The following YKT6 variants were observed in gnomAD, a reference collection of about 807,000 sequenced individuals.
YKT6 encodes the protein YKT6 vesicular SNARE protein, also known as synaptobrevin homolog YKT6.
YKT6 carries 12 observed loss-of-function variants against 29.3 expected under a neutral mutation model. The ratio of observed to expected loss-of-function variants is 0.41; its 90% CI spans 0.26 to 0.66. The LOEUF is 0.66. YKT6 is among the 30% of genes least tolerant of loss of function. YKT6 has a pLI of 0.32. For synonymous variants in YKT6, 86 were observed against 94.3 expected (o/e 0.91, Z 0.51); for missense variants, 188 against 243.8 (o/e 0.77, Z 1.52).
intron 2 of YKT6, among the ~76,000 whole-genome samples, 163 bp downstream of exon 2, chr7:44,204,813 A>G (rs756579772): frequency 2.0e-5 from 3 of 152,040 alleles, no homozygotes; most frequent in Non-Finnish European, 4.4e-5. Flanking sequence ...TTCTGTGCCC[A>G]CTGTTGAAGT....
At position 44,201,007 on chromosome 7, in the gene YKT6, G is replaced by A. The variant is rs1395512445; in HGVS notation, c.-129G>A. On this transcript the variant is annotated 5_prime_UTR_variant, in exon 1 of 7. Coordinates refer to ENST00000223369, the MANE Select transcript of YKT6 (RefSeq NM_006555.4). ...TGCGAGCCAGGAGGAGGAAGCCGGC[G>A]GTGGCCCCGTCAGCAGCCGGCTGCT... 3.0e-6 allele frequency: 2 copies of A among 670,648 alleles called. No homozygotes were observed. Among genetic ancestry groups the A allele is most frequent in the Non-Finnish European group, 2.4e-6 (1 of 418,214 alleles). The allele number at this position is 670,648 out of a possible 1,614,324, so 41.5% of individuals were successfully genotyped here.
At chr7:44,209,220 T>C (rs572554818) in intron 5 of YKT6, among the ~76,000 whole-genome samples, 4 of 152,304 alleles carry the variant, frequency 2.6e-5, no homozygotes, top group African/African-American at 7.2e-5. Context: ...CTTTAGTGTG[T>C]ACATCAGCGT....
At chr7:44,201,295 G>C in intron 1 of YKT6, 56 bp downstream of exon 1, 1 of 1,535,132 alleles carries the variant, frequency 6.5e-7, no homozygotes, top group Non-Finnish European at 8.9e-7. Context: ...CTGGGGTGGG[G>C]GTCCGAGTCG....
At chr7:44,210,271 C>G (rs913374838) in intron 5 of YKT6, among the ~76,000 whole-genome samples, 1 of 152,174 alleles carries the variant, frequency 6.6e-6, no homozygotes, top group Non-Finnish European at 1.5e-5. Context: ...TAACAGATAG[C>G]TCTGTGGGCC....
chr7:44,201,019 AGCAGCCG>A lies in YKT6; in HGVS notation c.-114_-108del. On this transcript the variant is annotated 5_prime_UTR_variant, in exon 1 of 7. Coordinates refer to ENST00000223369, the MANE Select transcript of YKT6 (RefSeq NM_006555.4). ...GGAGGAAGCCGGCGGTGGCCCCGTC[AGCAGCCG>A]GCTGCTGAGAGGCCGGTAGGCGGCG... The A allele has an allele frequency of 2.8e-6, 2 of 711,136 alleles. No individual in the cohort carries two copies. Among genetic ancestry groups the A allele is most frequent in the Non-Finnish European group, 4.3e-6 (2 of 468,998 alleles). 44.1% of individuals were successfully genotyped at this position (711,136 alleles called of 1,614,324 possible). A position where few individuals can be genotyped will look rare whatever the true frequency, so the allele number is the denominator to read the frequency against.
chr7:44,208,165 G>GC lies in YKT6; in HGVS notation c.427dup (p.Gln143ProfsTer6). Reference sequence around the variant, plus strand: ...GAGAAGCTGATCCCATGACTAAAGTGCAGGCCGAACTAGATGAGACCAAAA... The same window carrying GC: ...GAGAAGCTGATCCCATGACTAAAGTGCCAGGCCGAACTAGATGAGACCAAAA... On this transcript the variant is annotated frameshift_variant, in exon 5 of 7. Coordinates refer to ENST00000223369, the MANE Select transcript of YKT6 (RefSeq NM_006555.4). LOFTEE classifies it high-confidence loss of function. 6.2e-7 allele frequency: 1 copy of GC among 1,614,088 alleles called. No homozygotes were observed. Among genetic ancestry groups the GC allele is most frequent in the Non-Finnish European group, 8.5e-7 (1 of 1,180,010 alleles).
intron 4 of YKT6, among the ~76,000 whole-genome samples, chr7:44,207,833 C>T (rs111902563): frequency 0.011 from 1,711 of 152,180 alleles, 29 homozygotes; most frequent in African/African-American, 0.039. Context: ...TCAAGCGATT[C>T]TCCTGCCTCA....
chr7:44,205,294 A>G (rs1284117770), intron 2 of YKT6, among the ~76,000 whole-genome samples: 2 of 152,228 alleles, frequency 1.3e-5, no homozygotes, highest in Non-Finnish European at 2.9e-5. Flanking sequence ...CGCATCACAA[A>G]TATTTCAGTG....
chr7:44,204,493 C>G, intron 1 of YKT6, 75 bp from the exon 2 acceptor site: 1 of 1,452,026 alleles, frequency 6.9e-7, no homozygotes, highest in Non-Finnish European at 9.6e-7. Context: ...AATGTATAAG[C>G]CCAGAGGTCA....
intron 5 of YKT6, among the ~76,000 whole-genome samples, chr7:44,209,536 A>G (rs2096344485): frequency 6.6e-6 from 1 of 152,180 alleles, no homozygotes; most frequent in South Asian, 2.1e-4. Flanking sequence ...TGGGGAGTGG[A>G]TGAGTCCTAT....
At chr7:44,209,811 C>A (rs1000943044) in intron 5 of YKT6, among the ~76,000 whole-genome samples, 2 of 152,178 alleles carry the variant, frequency 1.3e-5, no homozygotes, top group African/African-American at 4.8e-5. Flanking sequence ...ATCTCTAGAC[C>A]CCTTCCCATG....
rs922860034 is a variant in YKT6, at chr7:44,201,049, G to C, written c.-87G>C. On this transcript the variant is annotated 5_prime_UTR_variant, in exon 1 of 7. Coordinates refer to ENST00000223369, the MANE Select transcript of YKT6 (RefSeq NM_006555.4). The stretch of plus-strand genomic sequence containing the variant: ...CCGGCTGCTGAGAGGCCGGTAGGCG[G>C]CGGCGGTCCCGAGGGGCGGCGGCCG... 65 of 1,175,202 alleles carry C rather than the reference G, an allele frequency of 5.5e-5. No homozygotes were observed. The highest frequency in any genetic ancestry group is 7.5e-5 in the Non-Finnish European group (65 of 863,038). The allele number at this position is 1,175,202 out of a possible 1,614,324, so 72.8% of individuals were successfully genotyped here. A position where few individuals can be genotyped will look rare whatever the true frequency, so the allele number is the denominator to read the frequency against.
At position 44,210,888 on chromosome 7, in the gene YKT6, C is replaced by T. The variant is rs751491499; in HGVS notation, c.460-135C>T. On this transcript the variant is annotated intron_variant, in intron 5 of 6. Coordinates refer to ENST00000223369, the MANE Select transcript of YKT6 (RefSeq NM_006555.4). ...CAGTAACTATTCTTGGACCGAGTCT[C>T]GACACCTAGAGGTGAAGTTTGTGTG... The T allele has an allele frequency of 2.2e-4, 177 of 806,268 alleles. No individual in the cohort carries two copies. In the Middle Eastern group the frequency reaches 2.3e-3, roughly 10 times the overall value. The allele number at this position is 806,268 out of a possible 1,614,324, so 49.9% of individuals were successfully genotyped here. A position where few individuals can be genotyped will look rare whatever the true frequency, so the allele number is the denominator to read the frequency against.
rs548357510 is a variant in YKT6, at chr7:44,201,015, C to A, written c.-121C>A. 2.5e-5 allele frequency: 19 copies of A among 748,806 alleles called. No individual in the cohort carries two copies. Among genetic ancestry groups the A allele is most frequent in the East Asian group, 6.6e-5 (2 of 30,428 alleles). The allele number at this position is 748,806 out of a possible 1,614,324, so 46.4% of individuals were successfully genotyped here. On this transcript the variant is annotated 5_prime_UTR_variant, in exon 1 of 7. Coordinates refer to ENST00000223369, the MANE Select transcript of YKT6 (RefSeq NM_006555.4). Reference sequence around the variant, plus strand: ...AGGAGGAGGAAGCCGGCGGTGGCCCCGTCAGCAGCCGGCTGCTGAGAGGCC... The same window carrying A: ...AGGAGGAGGAAGCCGGCGGTGGCCCAGTCAGCAGCCGGCTGCTGAGAGGCC...
Position 44,204,667 on chromosome 7 carries a change from A to G in YKT6, c.187+17A>G, listed in dbSNP as rs565208290. 9.3e-6 allele frequency: 15 copies of G among 1,613,850 alleles called. No homozygotes were observed. The highest frequency in any genetic ancestry group is 8.0e-5 in the African/African-American group (6 of 75,026). On this transcript the variant is annotated intron_variant, in intron 2 of 6. Coordinates refer to ENST00000223369, the MANE Select transcript of YKT6 (RefSeq NM_006555.4). ...AAGAACAAGGTAAGAAGACCCTCCA[A>G]CTTCTGTGCGTGTGCTGGCCTGGCT...
rs1337109022 is a variant in YKT6, at chr7:44,207,453, C to T, written c.354C>T (p.Ile118=). The T allele has an allele frequency of 6.2e-7, 1 of 1,614,012 alleles. No individual in the cohort carries two copies. The highest frequency in any genetic ancestry group is 8.5e-7 in the Non-Finnish European group (1 of 1,180,012). Reference sequence around the variant, plus strand: ...GGCCAGTAGGATCCCCTGCTACAATCCATTACCCAGCCCTGGATGGTCACC... The same window carrying T: ...GGCCAGTAGGATCCCCTGCTACAATTCATTACCCAGCCCTGGATGGTCACC... ...IDWPVGSPAT[I]HYPALDGHLS... Residue 118 remains isoleucine (I), a synonymous_variant, in exon 4 of 7, where the codon ATC becomes ATT. Transcript: ENST00000223369.
chr7:44,203,155 A>G (rs1466109741), intron 1 of YKT6, among the ~76,000 whole-genome samples: 2 of 152,146 alleles, frequency 1.3e-5, no homozygotes, highest in African/African-American at 4.8e-5. Flanking sequence ...GTGCAGTGGC[A>G]CAGTGTCAGC....
In YKT6 at chr7:44,212,158, G is replaced by C. The variant is rs2128841049; in HGVS notation, c.562-89G>C. The C allele has an allele frequency of 7.2e-6, 11 of 1,531,100 alleles. No individual in the cohort carries two copies. The South Asian group carries it at 1.1e-4, about 16-fold the overall frequency. 94.8% of individuals were successfully genotyped at this position (1,531,100 alleles called of 1,614,324 possible). ...TAGTTTCTCTGCCTGGCTGTGTCCT[G>C]TGGAGCTCCCTCTGCCACGCCTGCC... On this transcript the variant is annotated intron_variant, in intron 6 of 6. Coordinates refer to ENST00000223369, the MANE Select transcript of YKT6 (RefSeq NM_006555.4).
intron 4 of YKT6, among the ~76,000 whole-genome samples, 163 bp from the exon 5 acceptor site, chr7:44,207,970 C>T (rs1388782902): frequency 2.6e-5 from 4 of 152,158 alleles, no homozygotes; most frequent in Admixed American, 1.3e-4. Context: ...GTGATCCACC[C>T]GCCTCATCCT....
Sources: allele counts gnomAD v4.1 joint callset (sites outside exome capture counted in the v4.1 genomes callset), GRCh38; gene constraint gnomAD v4.1.1; transcripts MANE v1.5; gene names NCBI Gene and HGNC (gene_info 2026-07-23, HGNC 2026-07-21).